GRM7: variants seen among roughly 807,000 people sequenced by gnomAD.
The protein encoded by GRM7 is glutamate metabotropic receptor 7.
In GRM7, 35 loss-of-function variants were observed where a neutral mutation model predicts 84.5. The ratio of observed to expected loss-of-function variants is 0.41; its 90% CI spans 0.32 to 0.55. The LOEUF (loss-of-function observed/expected upper bound fraction) is 0.55, where lower values mean the gene tolerates loss of function less well. GRM7 is among the 20% of genes least tolerant of loss of function. GRM7 has a pLI of 0.19. For missense variants in GRM7, 1,003 were observed against 1,194.6 expected (o/e 0.84, Z 2.36); for synonymous variants, 487 against 455.1 (o/e 1.07, Z -0.89).
chr3:7,685,524 C>T (rs768004334), intron 9 of GRM7, among the ~76,000 whole-genome samples: 40 of 152,180 alleles, frequency 2.6e-4, no homozygotes, highest in Non-Finnish European at 4.9e-4. Flanking sequence ...TGAACTCACT[C>T]TGGGATAGAG....
chr3:7,103,730 TTTTCTC>T (rs1420380196), intron 1 of GRM7, among the ~76,000 whole-genome samples: 3 of 145,316 alleles, frequency 2.1e-5, no homozygotes, highest in Admixed American at 6.8e-5. Context: ...TTTTCTCTCT[TTTTCTC>T]TTTCTCTCTC....
At chr3:6,984,711 G>A (rs1312149971) in intron 1 of GRM7, among the ~76,000 whole-genome samples, 2 of 152,014 alleles carry the variant, frequency 1.3e-5, no homozygotes, top group East Asian at 3.9e-4. Flanking sequence ...TTTATGGAGG[G>A]GAATTGGCTG....
chr3:7,193,272 A>C (rs185462768), intron 2 of GRM7, among the ~76,000 whole-genome samples: 68 of 152,244 alleles, frequency 4.5e-4, no homozygotes, highest in African/African-American at 1.5e-3. Flanking sequence ...AAGGAAATAG[A>C]TTGTTGATCT....
rs186845083 is a variant in GRM7 at position 7,323,392 on chromosome 3, C to T, written c.1033+16740C>T. On this transcript the variant is annotated intron_variant, in intron 4 of 9. Transcript: ENST00000357716. ...AACACCAACAAAAACTAAAAACAAACTGTAACTGGCATAGTAGGATCCTAA... is the reference window on the plus strand; with the variant it reads ...AACACCAACAAAAACTAAAAACAAATTGTAACTGGCATAGTAGGATCCTAA... 4.1e-3 allele frequency among the ~76,000 whole-genome samples: 624 copies of T among 152,270 alleles called. 10 individuals carry two copies. The highest frequency in any genetic ancestry group is 1.9e-3 in the Non-Finnish European group (132 of 68,030).
chr3:6,977,075 G>C (rs368254313), intron 1 of GRM7, among the ~76,000 whole-genome samples: 3 of 152,140 alleles, frequency 2.0e-5, no homozygotes, highest in Non-Finnish European at 4.4e-5. Context: ...TGATTAATCT[G>C]TCCAAGCACC....
chr3:7,692,152 T>C (rs1031234333), intron 9 of GRM7, among the ~76,000 whole-genome samples: 2 of 152,174 alleles, frequency 1.3e-5, no homozygotes, highest in Non-Finnish European at 2.9e-5. Flanking sequence ...TAGTAGTCTT[T>C]TGGCTTGGTG....
At chr3:7,082,436 C>T (rs976075434) in intron 1 of GRM7, among the ~76,000 whole-genome samples, 10 of 152,188 alleles carry the variant, frequency 6.6e-5, no homozygotes, top group South Asian at 4.1e-4. Context: ...AAGACATTAT[C>T]GCTGACAATG....
intron 9 of GRM7, among the ~76,000 whole-genome samples, chr3:7,734,055 CCT>C (rs758966381): frequency 2.6e-5 from 4 of 152,098 alleles, no homozygotes; most frequent in Non-Finnish European, 4.4e-5. Flanking sequence ...GACTCATTTC[CCT>C]GTTCCTGGCA....
At chr3:7,625,405 A>G (rs1395242536) in intron 8 of GRM7, among the ~76,000 whole-genome samples, 3 of 152,314 alleles carry the variant, frequency 2.0e-5, no homozygotes, top group Admixed American at 1.3e-4. Context: ...TATTTTTTTA[A>G]TGAAAAAATT....
intron 9 of GRM7, among the ~76,000 whole-genome samples, chr3:7,726,508 T>C (rs1274699769): frequency 6.7e-6 from 1 of 150,224 alleles, no homozygotes; most frequent in Non-Finnish European, 1.5e-5. Context: ...ACATTTTATT[T>C]TGAAAAGTTT....
chr3:7,070,340 G>T, intron 1 of GRM7, among the ~76,000 whole-genome samples: 1 of 151,984 alleles, frequency 6.6e-6, no homozygotes, highest in East Asian at 1.9e-4. Context: ...AAAATAACCT[G>T]CTCTCAATGT....
chr3:7,267,211 G>A (rs1698675319), intron 2 of GRM7, among the ~76,000 whole-genome samples: 1 of 152,212 alleles, frequency 6.6e-6, no homozygotes, highest in Admixed American at 6.5e-5. Flanking sequence ...AAAGCTCCAA[G>A]TAGAAAGTGT....
intron 1 of GRM7, among the ~76,000 whole-genome samples, chr3:7,083,076 G>A (rs1471076127): frequency 2.0e-5 from 3 of 152,134 alleles, no homozygotes; most frequent in Non-Finnish European, 4.4e-5. Flanking sequence ...TGAGAGGATT[G>A]ACTCCACTTT....
At chr3:7,359,225 TG>T (rs1389109691) in intron 4 of GRM7, among the ~76,000 whole-genome samples, 1 of 131,618 alleles carries the variant, frequency 7.6e-6, no homozygotes, top group African/African-American at 3.2e-5. Flanking sequence ...TGTGTTTGTG[TG>T]TGTGTGTGTG....
intron 4 of GRM7, 128 bp from the exon 5 acceptor site, chr3:7,414,895 T>G (rs1469727811): frequency 1.3e-5 from 8 of 623,212 alleles, no homozygotes; most frequent in Non-Finnish European, 2.1e-5. Flanking sequence ...AATTTTTTTT[T>G]TTTTCGGTCG....
intron 1 of GRM7, among the ~76,000 whole-genome samples, chr3:7,028,860 A>G (rs887224607): frequency 1.3e-5 from 2 of 152,262 alleles, no homozygotes; most frequent in Non-Finnish European, 2.9e-5. Context: ...GTATAATAAT[A>G]CAATCACTTT....
At chr3:7,681,820 AT>A (rs1217978342) in intron 9 of GRM7, 2 of 152,220 alleles carry the variant, frequency 1.3e-5, no homozygotes, top group African/African-American at 4.8e-5. Context: ...ACTCAACATA[AT>A]TATGTATAAA....
intron 4 of GRM7, among the ~76,000 whole-genome samples, chr3:7,406,302 C>A (rs1695673834): frequency 6.6e-6 from 1 of 151,948 alleles, no homozygotes. Flanking sequence ...AGATGGAGAC[C>A]ATCCTGGCTA....
chr3:7,509,469 A>G (rs555736667), intron 7 of GRM7, among the ~76,000 whole-genome samples: 1 of 152,344 alleles, frequency 6.6e-6, no homozygotes, highest in Admixed American at 6.5e-5. Flanking sequence ...TATCCTCTGC[A>G]GATAAGGAGG....
Sources: gnomAD v4.1 joint callset for allele counts (sites outside exome capture counted in the v4.1 genomes callset) on GRCh38, gnomAD v4.1.1 for gene constraint, MANE v1.5 for transcripts, NCBI Gene and HGNC (gene_info 2026-07-23, HGNC 2026-07-21) for gene names.